The following RASAL2 variants were observed in gnomAD, a reference collection of about 807,000 sequenced individuals.
RASAL2 encodes ras GTPase-activating protein nGAP.
RASAL2 carries 58 observed loss-of-function variants against 128.9 expected under a neutral mutation model. The ratio of observed to expected loss-of-function variants is 0.45; its 90% CI spans 0.36 to 0.56. RASAL2 has a LOEUF of 0.56. Among genes scored for constraint, RASAL2 ranks in the 20% least tolerant of loss-of-function variants. RASAL2 has a pLI of 0.00. For missense variants in RASAL2, 1,360 were observed against 1,601.6 expected (o/e 0.85, Z 2.57); for synonymous variants, 561 against 580.8 (o/e 0.97, Z 0.49).
At chr1:178,384,418 G>C (rs1672441742) in intron 3 of RASAL2, among the ~76,000 whole-genome samples, 1 of 152,074 alleles carries the variant, frequency 6.6e-6, no homozygotes, top group Admixed American at 6.6e-5. Context: ...CATCCTCAGA[G>C]AGAGTAATAA....
chr1:178,159,139 A>G (rs1258882459), intron 1 of RASAL2, among the ~76,000 whole-genome samples: 9 of 152,242 alleles, frequency 5.9e-5, no homozygotes, highest in Non-Finnish European at 1.3e-4. Flanking sequence ...TTAAAAGTGA[A>G]TGTGTAAGCT....
chr1:178,148,045 T>C (rs1660789151), intron 1 of RASAL2, among the ~76,000 whole-genome samples: 1 of 152,098 alleles, frequency 6.6e-6, no homozygotes, highest in Non-Finnish European at 1.5e-5. Context: ...CACTCCAGCC[T>C]GGGCAGCAGA....
intron 1 of RASAL2, among the ~76,000 whole-genome samples, chr1:178,162,443 A>C (rs1445127400): frequency 1.7e-5 from 2 of 116,880 alleles, no homozygotes; most frequent in Admixed American, 1.1e-4. Flanking sequence ...TTTATATATA[A>C]TATATATAAT....
intron 1 of RASAL2, among the ~76,000 whole-genome samples, chr1:178,126,010 G>A (rs573350641): frequency 1.3e-5 from 2 of 152,302 alleles, no homozygotes; most frequent in South Asian, 4.1e-4. Flanking sequence ...ATTTTATAAT[G>A]TTTACTATGT....
intron 3 of RASAL2, among the ~76,000 whole-genome samples, chr1:178,306,786 T>G (rs1668011024): frequency 6.7e-6 from 1 of 148,502 alleles, no homozygotes; most frequent in African/African-American, 2.5e-5. Flanking sequence ...TCATTGTAGA[T>G]TCTGGATATT....
intron 1 of RASAL2, among the ~76,000 whole-genome samples, chr1:178,204,710 A>G (rs1156727351): frequency 6.6e-6 from 1 of 152,230 alleles, no homozygotes; most frequent in Non-Finnish European, 1.5e-5. Context: ...TATATTCTGT[A>G]CAGAAAGAAT....
intron 1 of RASAL2, among the ~76,000 whole-genome samples, chr1:178,113,364 A>C (rs992991479): frequency 2.6e-5 from 4 of 151,704 alleles, no homozygotes; most frequent in Admixed American, 1.3e-4. Flanking sequence ...GCTGGAGCTC[A>C]GTTGTGTGAT....
At chr1:178,246,720 T>C (rs1227962811) in intron 1 of RASAL2, among the ~76,000 whole-genome samples, 2 of 152,160 alleles carry the variant, frequency 1.3e-5, no homozygotes, top group Non-Finnish European at 1.5e-5. Context: ...AAATAGCTCT[T>C]ATTATTTTGA....
At chr1:178,278,400 A>G (rs1175901448) in intron 1 of RASAL2, among the ~76,000 whole-genome samples, 1 of 152,164 alleles carries the variant, frequency 6.6e-6, no homozygotes, top group Non-Finnish European at 1.5e-5. Flanking sequence ...TTGTGCCTAT[A>G]GCCTGAAAAA....
intron 1 of RASAL2, among the ~76,000 whole-genome samples, chr1:178,164,763 T>C (rs1661460309): frequency 6.6e-6 from 1 of 150,874 alleles, no homozygotes; most frequent in Admixed American, 6.6e-5. Context: ...CTGATTGTTT[T>C]CCATTTCATG....
chr1:178,434,185 A>G (rs17512785), intron 5 of RASAL2, among the ~76,000 whole-genome samples: 25,336 of 152,066 alleles, frequency 0.17, 2,678 homozygotes, highest in East Asian at 0.32. Context: ...AGTAGATTAT[A>G]TTACCTTTGC....
chr1:178,464,567 G>GGTTGTGTGT (rs1647445333), intron 15 of RASAL2, among the ~76,000 whole-genome samples, 155 bp downstream of exon 15: 1 of 145,020 alleles, frequency 6.9e-6, no homozygotes, highest in Non-Finnish European at 1.5e-5. Flanking sequence ...ATAGGTCAGT[G>GGTTGTGTGT]GTGTGTGTGT....
intron 4 of RASAL2, among the ~76,000 whole-genome samples, chr1:178,416,114 C>T (rs1674735580): frequency 6.6e-6 from 1 of 151,958 alleles, no homozygotes; most frequent in Admixed American, 6.6e-5. Flanking sequence ...TATTTGTTGC[C>T]TTTGTTCTGT....
At chr1:178,183,949 G>A (rs1440445325) in intron 1 of RASAL2, among the ~76,000 whole-genome samples, 3 of 152,122 alleles carry the variant, frequency 2.0e-5, no homozygotes. Flanking sequence ...CTGTTGCTCT[G>A]TATCCTCACC....
intron 1 of RASAL2, among the ~76,000 whole-genome samples, chr1:178,280,345 C>T (rs575946449): frequency 7.2e-5 from 11 of 152,032 alleles, no homozygotes; most frequent in Non-Finnish European, 1.5e-4. Flanking sequence ...ATAAAAGAGT[C>T]GCTCTTTTAA....
intron 3 of RASAL2, among the ~76,000 whole-genome samples, chr1:178,335,151 T>C (rs1053368493): frequency 1.3e-5 from 2 of 152,082 alleles, no homozygotes; most frequent in Non-Finnish European, 2.9e-5. Flanking sequence ...AATTTTTTTT[T>C]CCTTAAGAAC....
chr1:178,141,210 T>TTTTTTTTTTC, intron 1 of RASAL2, among the ~76,000 whole-genome samples: 1 of 144,618 alleles, frequency 6.9e-6, no homozygotes, highest in African/African-American at 2.5e-5. Context: ...TTTTTTTTTT[T>TTTTTTTTTTC]TTTTTTTTGC....
intron 1 of RASAL2, among the ~76,000 whole-genome samples, chr1:178,141,193 CTTTTTTTTTTTTT>C (rs71297900): frequency 2.7e-5 from 2 of 73,936 alleles, no homozygotes; most frequent in African/African-American, 5.3e-5. Context: ...CTTTTCTTTT[CTTTTTTTTTTTTT>C]TTTTTTTTTT....
chr1:178,163,793 A>G (rs1294150471), intron 1 of RASAL2, among the ~76,000 whole-genome samples: 2 of 152,158 alleles, frequency 1.3e-5, no homozygotes. Context: ...TGAGCTTATC[A>G]ATTTCTGCAT....
Sources: gnomAD v4.1 joint callset for allele counts (sites outside exome capture counted in the v4.1 genomes callset) on GRCh38, gnomAD v4.1.1 for gene constraint, MANE v1.5 for transcripts, NCBI Gene and HGNC (gene_info 2026-07-23, HGNC 2026-07-21) for gene names.